KCNQ1: variants seen among roughly 807,000 people sequenced by gnomAD.
The protein encoded by KCNQ1 is potassium voltage-gated channel subfamily Q member 1.
Under a neutral mutation model 72.4 loss-of-function variants are expected in KCNQ1, and 49 were observed. That is an observed-to-expected ratio of 0.68 (90% CI 0.54 to 0.86). KCNQ1 has a LOEUF of 0.86. KCNQ1 is among the 40% of genes least tolerant of loss of function. The pLI is 0.00. For synonymous variants in KCNQ1, 450 were observed against 412.6 expected (o/e 1.09, Z -1.10); for missense variants, 790 against 945.1 (o/e 0.84, Z 2.15).
At chr11:2,640,719 A>G (rs1849561450) in intron 10 of KCNQ1, 1 of 398,368 alleles carries the variant, frequency 2.5e-6, no homozygotes, top group Non-Finnish European at 4.4e-6. Context: ...TTATTTTGAA[A>G]TATACATTAT....
At chr11:2,525,786 GTGGGGATGAAGCAGCAGCAT>G (rs747689889) in intron 1 of KCNQ1, among the ~76,000 whole-genome samples, 68 of 152,230 alleles carry the variant, frequency 4.5e-4, no homozygotes, top group Admixed American at 7.9e-4. Context: ...GGTCATGGTG[GTGGGGATGAAGCAGCAGCAT>G]TGGGGCTTAG....
chr11:2,509,185 A>C lies in KCNQ1; in HGVS notation c.387-18743A>C, dbSNP rs1376775912. On this transcript the variant is annotated intron_variant, in intron 1 of 15. Transcript: ENST00000155840. This position sits in a 1 kb window ranked among gnomAD's most constrained non-coding sequence, Gnocchi z 6.3. Reference sequence around the variant, plus strand: ...CACAGGTTGGGAGAGCAACTATCTCAAGGCTTTTATTTGCTGTTTCATGAA... The same window carrying C: ...CACAGGTTGGGAGAGCAACTATCTCCAGGCTTTTATTTGCTGTTTCATGAA... Among the ~76,000 whole-genome samples the C allele has an allele frequency of 2.0e-5, 3 of 152,164 alleles. No individual in the cohort carries two copies. The highest frequency in any genetic ancestry group is 4.8e-5 in the African/African-American group (2 of 41,534).
Position 2,541,778 on chromosome 11 carries a change from C to A in KCNQ1, c.477+13760C>A, listed in dbSNP as rs930493954. Among the ~76,000 whole-genome samples, 2 of 151,716 alleles carry A rather than the reference C, an allele frequency of 1.3e-5. No homozygotes were observed. The highest frequency in any genetic ancestry group is 4.9e-5 in the African/African-American group (2 of 41,186). On this transcript the variant is annotated intron_variant, in intron 2 of 15. Transcript: ENST00000155840. This position sits in a 1 kb window ranked among gnomAD's most constrained non-coding sequence, Gnocchi z 4.8. Reference sequence around the variant, plus strand: ...CTAGAACCTTTGGAAAACCCCCTCTCATCCCGGGAGTTTGTAAGAATTTGT... The same window carrying A: ...CTAGAACCTTTGGAAAACCCCCTCTAATCCCGGGAGTTTGTAAGAATTTGT...
intron 15 of KCNQ1, among the ~76,000 whole-genome samples, chr11:2,822,519 G>A (rs1267325698): frequency 5.3e-5 from 8 of 152,224 alleles, no homozygotes; most frequent in African/African-American, 1.9e-4. Context: ...ATAATAAGTT[G>A]TGAGCCTACC....
rs1847142659 is a variant in KCNQ1 at position 2,508,538 on chromosome 11, C to T, written c.387-19390C>T. On this transcript the variant is annotated intron_variant, in intron 1 of 15. Coordinates refer to ENST00000155840, the MANE Select transcript of KCNQ1 (RefSeq NM_000218.3). This position sits in a 1 kb window ranked among gnomAD's most constrained non-coding sequence, Gnocchi z 6.2. The stretch of plus-strand genomic sequence containing the variant: ...GATATAACCAGCTGGGTGTTCGCAC[C>T]TGAGAGGTTTCGGGGCAGGGTCCCA... Among the ~76,000 whole-genome samples the T allele has an allele frequency of 6.6e-6, 1 of 151,930 alleles. No individual in the cohort carries two copies. Among genetic ancestry groups the T allele is most frequent in the South Asian group, 2.1e-4 (1 of 4,810 alleles).
rs1847728646 is a variant in KCNQ1, at chr11:2,536,171, G to T, written c.477+8153G>T. ...CTCCCTGCCTGTGACAGGAGCTCAG[G>T]CTCAGGGCAGCAGGGGCGCTCAGCT... On this transcript the variant is annotated intron_variant, in intron 2 of 15. Transcript: ENST00000155840. The surrounding 1 kb of genome is among the most constrained non-coding windows in gnomAD (Gnocchi z 7.4). Among the ~76,000 whole-genome samples the T allele has an allele frequency of 6.6e-6, 1 of 152,200 alleles. No individual in the cohort carries two copies. The highest frequency in any genetic ancestry group is 2.1e-4 in the South Asian group (1 of 4,822).
chr11:2,572,221 G>C, intron 5 of KCNQ1, 112 bp downstream of exon 5: 1 of 769,430 alleles, frequency 1.3e-6, no homozygotes, highest in Admixed American at 2.2e-5. Context: ...GGGCCGGTGG[G>C]TGCCTGGGCG....
intron 15 of KCNQ1, among the ~76,000 whole-genome samples, chr11:2,823,437 A>T (rs1218249901): frequency 6.6e-6 from 1 of 152,252 alleles, no homozygotes; most frequent in Non-Finnish European, 1.5e-5. Flanking sequence ...CCCTTTTCTT[A>T]GAAGGTTCTG....
Position 2,613,722 on chromosome 11 carries a change from C to T in KCNQ1, c.1393+24868C>T, listed in dbSNP as rs1589981899. ...ATTTTTTGAATACATATAACATTAA[C>T]ATACTTCCAAAAGTCAATACTAAAC... On this transcript the variant is annotated intron_variant, in intron 10 of 15. Transcript: ENST00000155840. This position sits in a 1 kb window ranked among gnomAD's most constrained non-coding sequence, Gnocchi z 4.8. 9.0e-5 allele frequency: 36 copies of T among 398,398 alleles called. No individual in the cohort carries two copies. The East Asian group carries it at 1.3e-3, about 14-fold the overall frequency. 24.7% of individuals were successfully genotyped at this position (398,398 alleles called of 1,614,324 possible).
At chr11:2,718,935 G>A (rs1851151154) in intron 11 of KCNQ1, among the ~76,000 whole-genome samples, 1 of 152,260 alleles carries the variant, frequency 6.6e-6, no homozygotes, top group Non-Finnish European at 1.5e-5. Flanking sequence ...TTCAAATGCA[G>A]ATTCCTGGGC....
rs1846315935 is a variant in KCNQ1, at chr11:2,463,980, T to TA, written c.386+18498dup. Among the ~76,000 whole-genome samples, 1 of 152,200 alleles carries TA rather than the reference T, an allele frequency of 6.6e-6. No individual in the cohort carries two copies. The highest frequency in any genetic ancestry group is 1.5e-5 in the Non-Finnish European group (1 of 68,032). On this transcript the variant is annotated intron_variant, in intron 1 of 15. Coordinates refer to ENST00000155840, the MANE Select transcript of KCNQ1 (RefSeq NM_000218.3). The surrounding 1 kb of genome is among the most constrained non-coding windows in gnomAD (Gnocchi z 7.0). ...CTGTCGGCAGTTGGGTCTGGTTTGA[T>TA]AACCGTGGACCGGGGTGACAGGCCC... is the stretch of plus-strand genomic sequence containing the variant.
chr11:2,569,997 G>A (rs1476591818), intron 2 of KCNQ1, among the ~76,000 whole-genome samples: 1 of 152,230 alleles, frequency 6.6e-6, no homozygotes, highest in African/African-American at 2.4e-5. Context: ...GTGATCCAGA[G>A]GCTGCCCCTA....
Position 2,767,116 on chromosome 11 carries a change from C to T in KCNQ1, c.1515-1728C>T, listed in dbSNP as rs561307210. ...CCGGGAGGCGGAGGCTGCAGTGAGC[C>T]GAGGTTGTGCCACTGCACTCCAGCC... On this transcript the variant is annotated intron_variant, in intron 11 of 15. Coordinates refer to ENST00000155840, the MANE Select transcript of KCNQ1 (RefSeq NM_000218.3). This position sits in a 1 kb window ranked among gnomAD's most constrained non-coding sequence, Gnocchi z 4.6. Among the ~76,000 whole-genome samples the T allele has an allele frequency of 1.8e-4, 28 of 152,164 alleles. No individual in the cohort carries two copies. Among genetic ancestry groups the T allele is most frequent in the Admixed American group, 1.4e-3 (21 of 15,288 alleles).
chr11:2,645,612 A>G lies in KCNQ1; in HGVS notation c.1394-16349A>G, dbSNP rs1849654083. ...CATGCTTCGGCCCCAGGTGGTGACT[A>G]TGGGCAGGGTCACCTTTCCTCATGG... On this transcript the variant is annotated intron_variant, in intron 10 of 15. Coordinates refer to ENST00000155840, the MANE Select transcript of KCNQ1 (RefSeq NM_000218.3). This position sits in a 1 kb window ranked among gnomAD's most constrained non-coding sequence, Gnocchi z 5.8. 5.0e-6 allele frequency: 2 copies of G among 398,602 alleles called. No homozygotes were observed. Among genetic ancestry groups the G allele is most frequent in the African/African-American group, 2.1e-5 (1 of 48,620 alleles). 24.7% of individuals were successfully genotyped at this position (398,602 alleles called of 1,614,324 possible). A position where few individuals can be genotyped will look rare whatever the true frequency, so the allele number is the denominator to read the frequency against.
Position 2,467,870 on chromosome 11 carries a change from G to A in KCNQ1, c.386+22386G>A, listed in dbSNP as rs138600851. Among the ~76,000 whole-genome samples, 264 of 152,360 alleles carry A rather than the reference G, an allele frequency of 1.7e-3. 2 individuals carry two copies. The highest frequency in any genetic ancestry group is 6.0e-3 in the African/African-American group (248 of 41,590). On this transcript the variant is annotated intron_variant, in intron 1 of 15. Coordinates refer to ENST00000155840, the MANE Select transcript of KCNQ1 (RefSeq NM_000218.3). The stretch of plus-strand genomic sequence containing the variant: ...CACTGCTGGATGGCATGGGCCACCC[G>A]CACTGGGGCTGCTGTGACCTCCGAG...
chr11:2,723,918 G>A lies in KCNQ1; in HGVS notation c.1515-44926G>A, dbSNP rs1477676202. Among the ~76,000 whole-genome samples the A allele has an allele frequency of 6.6e-6, 1 of 152,226 alleles. No homozygotes were observed. The highest frequency in any genetic ancestry group is 1.5e-5 in the Non-Finnish European group (1 of 68,040). On this transcript the variant is annotated intron_variant, in intron 11 of 15. Coordinates refer to ENST00000155840, the MANE Select transcript of KCNQ1 (RefSeq NM_000218.3). The surrounding 1 kb of genome is among the most constrained non-coding windows in gnomAD (Gnocchi z 4.2). ...CACACGTTGGGGGATGTGCCGCAGG[G>A]ATGGGGCATCTCAGCCTTTGTATCT... is the stretch of plus-strand genomic sequence containing the variant.
intron 15 of KCNQ1, among the ~76,000 whole-genome samples, chr11:2,778,664 G>A (rs1272078550): frequency 6.6e-6 from 1 of 152,216 alleles, no homozygotes; most frequent in Admixed American, 6.5e-5. Context: ...CGGGCCCATG[G>A]CTGAGCCCAC....
chr11:2,718,637 G>T (rs543651171), intron 11 of KCNQ1, among the ~76,000 whole-genome samples: 1 of 152,180 alleles, frequency 6.6e-6, no homozygotes, highest in South Asian at 2.1e-4. Flanking sequence ...TTGTGTAGAC[G>T]CATGACTCCC....
At position 2,608,050 on chromosome 11, in the gene KCNQ1, C is replaced by A. The variant is rs1462689836; in HGVS notation, c.1393+19196C>A. 6.6e-6 allele frequency among the ~76,000 whole-genome samples: 1 copy of A among 152,124 alleles called. No homozygotes were observed. Among genetic ancestry groups the A allele is most frequent in the Non-Finnish European group, 1.5e-5 (1 of 68,030 alleles). ...TTACCTAATGCCACAGAACTATATACCTAAAATGGGTAAAATAAATTTTAT... is the reference window on the plus strand; with the variant it reads ...TTACCTAATGCCACAGAACTATATAACTAAAATGGGTAAAATAAATTTTAT... On this transcript the variant is annotated intron_variant, in intron 10 of 15. Coordinates refer to ENST00000155840, the MANE Select transcript of KCNQ1 (RefSeq NM_000218.3). The surrounding 1 kb of genome is among the most constrained non-coding windows in gnomAD (Gnocchi z 4.6).
Sources: gnomAD v4.1 joint callset for allele counts (sites outside exome capture counted in the v4.1 genomes callset) on GRCh38, gnomAD v4.1.1 for gene constraint, Gnocchi (gnomAD v3.1) non-coding constraint, MANE v1.5 for transcripts, NCBI Gene and HGNC (gene_info 2026-07-23, HGNC 2026-07-21) for gene names.